The following ABCB1 variants were observed in gnomAD, a reference collection of about 807,000 sequenced individuals.
ABCB1 encodes ATP-dependent translocase ABCB1.
In ABCB1, 69 loss-of-function variants were observed where a neutral mutation model predicts 142.0. The ratio of observed to expected loss-of-function variants is 0.49; its 90% confidence interval spans 0.40 to 0.59. The LOEUF is 0.59. ABCB1 is among the 20% of genes least tolerant of loss of function. ABCB1 has a pLI of 0.00. For missense variants in ABCB1, 1,326 were observed against 1,554.7 expected (o/e 0.85, Z 2.47); for synonymous variants, 532 against 539.2 (o/e 0.99, Z 0.18).
At chr7:87,686,492 A>G (rs955459307) in intron 1 of ABCB1, among the ~76,000 whole-genome samples, 1 of 152,202 alleles carries the variant, frequency 6.6e-6, no homozygotes, top group Non-Finnish European at 1.5e-5. Flanking sequence ...GACTTTGATT[A>G]TTTATGGACT....
chr7:87,652,496 T>TGGATAA (rs1421769875), intron 1 of ABCB1, among the ~76,000 whole-genome samples: 1 of 151,904 alleles, frequency 6.6e-6, no homozygotes, highest in Non-Finnish European at 1.5e-5. Flanking sequence ...AGTTGATTTA[T>TGGATAA]GGATAAGAAT....
intron 1 of ABCB1, among the ~76,000 whole-genome samples, chr7:87,607,215 AAG>A: frequency 6.6e-6 from 1 of 152,184 alleles, no homozygotes; most frequent in East Asian, 1.9e-4. Flanking sequence ...ATCAGCCTCA[AAG>A]AGTTATTGAG....
At chr7:87,591,208 G>C (rs1310936167) in intron 3 of ABCB1, among the ~76,000 whole-genome samples, 1 of 152,132 alleles carries the variant, frequency 6.6e-6, no homozygotes, top group African/African-American at 2.4e-5. Flanking sequence ...AGAAATGCAA[G>C]TGTCCTCTAG....
intron 1 of ABCB1, among the ~76,000 whole-genome samples, chr7:87,659,063 A>G (rs942512006): frequency 2.0e-5 from 3 of 152,066 alleles, no homozygotes; most frequent in African/African-American, 7.2e-5. Context: ...CTGAGGTGGG[A>G]GGATCACTTA....
chr7:87,659,518 A>G (rs1218481857), intron 1 of ABCB1, among the ~76,000 whole-genome samples: 1 of 152,064 alleles, frequency 6.6e-6, no homozygotes, highest in East Asian at 1.9e-4. Context: ...TGTTTTAAAT[A>G]TTTCCTCTAC....
intron 1 of ABCB1, among the ~76,000 whole-genome samples, chr7:87,688,261 G>A (rs1827669083): frequency 6.6e-6 from 1 of 151,988 alleles, no homozygotes; most frequent in East Asian, 1.9e-4. Context: ...GTTTTAAATT[G>A]CATATGGAAT....
upstream of ABCB1, among the ~76,000 whole-genome samples, chr7:87,601,567 G>T (rs916677043): frequency 1.3e-5 from 2 of 152,204 alleles, no homozygotes; most frequent in African/African-American, 4.8e-5. Flanking sequence ...AACATAGCAT[G>T]TTTTAGCATA....
intron 8 of ABCB1, among the ~76,000 whole-genome samples, chr7:87,554,347 A>AC: frequency 6.6e-6 from 1 of 152,010 alleles, no homozygotes; most frequent in South Asian, 2.1e-4. Flanking sequence ...AAAAAAAAAA[A>AC]AAAGGGACAG....
At chr7:87,589,794 AG>A (rs1563065982) in intron 3 of ABCB1, among the ~76,000 whole-genome samples, 4 of 143,376 alleles carry the variant, frequency 2.8e-5, no homozygotes, top group Non-Finnish European at 6.0e-5. Context: ...AAAGAAAGAG[AG>A]AGAGAGAGAG....
At chr7:87,629,919 T>G (rs1470521377) in intron 1 of ABCB1, among the ~76,000 whole-genome samples, 1 of 137,202 alleles carries the variant, frequency 7.3e-6, no homozygotes, top group Non-Finnish European at 1.5e-5. Context: ...GGAGACTTCG[T>G]CAAAAAAAAA....
chr7:87,710,191 GT>G (rs1583956039), intron 1 of ABCB1, among the ~76,000 whole-genome samples: 5 of 152,222 alleles, frequency 3.3e-5, no homozygotes, highest in Admixed American at 6.5e-5. Context: ...AGAGAACTCT[GT>G]TTTTCATGAT....
At chr7:87,586,180 C>T (rs920652167) in intron 3 of ABCB1, among the ~76,000 whole-genome samples, 7 of 152,000 alleles carry the variant, frequency 4.6e-5, no homozygotes, top group Admixed American at 1.3e-4. Flanking sequence ...AATTAGGCCT[C>T]AAGAATGAGC....
chr7:87,546,561 AAAAAAAT>A (rs1816792875), intron 14 of ABCB1, among the ~76,000 whole-genome samples: 1 of 149,920 alleles, frequency 6.7e-6, no homozygotes, highest in African/African-American at 2.5e-5. Flanking sequence ...ATCTCAAAAA[AAAAAAAT>A]AAAAAATAAA....
At chr7:87,586,397 C>A (rs1239613140) in intron 3 of ABCB1, among the ~76,000 whole-genome samples, 1 of 152,142 alleles carries the variant, frequency 6.6e-6, no homozygotes, top group Non-Finnish European at 1.5e-5. Context: ...GCTCAGGGCC[C>A]CCTTGGGAAG....
intron 1 of ABCB1, among the ~76,000 whole-genome samples, chr7:87,684,672 C>A (rs1827268504): frequency 6.9e-6 from 1 of 144,036 alleles, no homozygotes. Context: ...TGCTTGAACC[C>A]AGGAGGCAGA....
chr7:87,604,954 A>T (rs1234313168), upstream of ABCB1, among the ~76,000 whole-genome samples: 1 of 152,174 alleles, frequency 6.6e-6, no homozygotes, highest in African/African-American at 2.4e-5. Context: ...TGAATTTTTT[A>T]AATATTCAAA....
rs180809886 is a variant in ABCB1 at position 87,658,478 on chromosome 7, C to T, written c.-331+54683G>A. Among the ~76,000 whole-genome samples, 46 of 152,216 alleles carry T rather than the reference C, an allele frequency of 3.0e-4. No homozygotes were observed. In the East Asian group the frequency reaches 6.9e-3, roughly 23 times the overall value. On this transcript the variant is annotated intron_variant, in intron 1 of 28. Transcript: ENST00000265724. ...AAGAAGGTGGGACTGAAAAAGTACT[C>T]AACAGCTGAAAATTTCCCAAAGTTA...
intron 1 of ABCB1, among the ~76,000 whole-genome samples, chr7:87,634,086 A>G (rs1035670973): frequency 3.9e-5 from 6 of 151,908 alleles, no homozygotes; most frequent in Admixed American, 1.3e-4. Flanking sequence ...TTATCAACCT[A>G]CTCTTCTAGG....
At chr7:87,624,478 C>T (rs959862110) in intron 1 of ABCB1, among the ~76,000 whole-genome samples, 14 of 152,022 alleles carry the variant, frequency 9.2e-5, no homozygotes, top group East Asian at 3.8e-4. Context: ...TTGTCTGTTT[C>T]GATGAGAAGA....
Sources: allele counts gnomAD v4.1 joint callset (sites outside exome capture counted in the v4.1 genomes callset), GRCh38; gene constraint gnomAD v4.1.1; transcripts MANE v1.5; gene names NCBI Gene and HGNC (gene_info 2026-07-23, HGNC 2026-07-21).